BBX: variants seen among roughly 807,000 people sequenced by gnomAD.
The protein encoded by BBX is BBX high mobility group box domain containing, also known as HMG box transcription factor BBX.
BBX carries 30 observed loss-of-function variants against 100.2 expected under a neutral mutation model. That is an observed-to-expected ratio of 0.30 (90% CI 0.22 to 0.41). The LOEUF (loss-of-function observed/expected upper bound fraction) is 0.41, where lower values mean the gene tolerates loss of function less well. BBX is among the 10% of genes least tolerant of loss of function. The probability of loss-of-function intolerance (pLI) is 1.00; values close to 1 mark genes in which losing one functional copy is unlikely to be tolerated. For missense variants in BBX, 1,023 were observed against 1,129.8 expected (o/e 0.91, Z 1.35); for synonymous variants, 376 against 388.1 (o/e 0.97, Z 0.37).
At chr3:107,606,165 A>G (rs2054422702) in intron 2 of BBX, among the ~76,000 whole-genome samples, 2 of 152,228 alleles carry the variant, frequency 1.3e-5, no homozygotes, top group South Asian at 4.1e-4. Context: ...TTGTATATGT[A>G]TCTAACCCAA....
chr3:107,750,446 T>C (rs2064991862), intron 9 of BBX, among the ~76,000 whole-genome samples: 1 of 152,246 alleles, frequency 6.6e-6, no homozygotes, highest in Non-Finnish European at 1.5e-5. Context: ...CCCTACAAGA[T>C]ATAACTTTTC....
chr3:107,710,734 C>A, intron 4 of BBX, 112 bp downstream of exon 4: 1 of 976,190 alleles, frequency 1.0e-6, no homozygotes, highest in Non-Finnish European at 1.5e-6. Context: ...GCCTGTATAG[C>A]TTGAATCCTA....
intron 2 of BBX, among the ~76,000 whole-genome samples, chr3:107,531,729 C>G (rs115187436): frequency 6.6e-6 from 1 of 152,080 alleles, no homozygotes; most frequent in African/African-American, 2.4e-5. Context: ...CTGAGGCACG[C>G]CACAGTAAAG....
intron 3 of BBX, among the ~76,000 whole-genome samples, chr3:107,677,792 A>G (rs2059361020): frequency 6.6e-6 from 1 of 152,190 alleles, no homozygotes; most frequent in Admixed American, 6.6e-5. Context: ...TAACAATCTT[A>G]TTCTTAAGTG....
intron 3 of BBX, among the ~76,000 whole-genome samples, chr3:107,698,933 G>A (rs913863661): frequency 2.2e-4 from 34 of 151,734 alleles, no homozygotes; most frequent in African/African-American, 7.1e-4. Flanking sequence ...AGCAGGGCAT[G>A]GCAAGGACGG....
intron 17 of BBX, among the ~76,000 whole-genome samples, chr3:107,801,493 T>TTATC (rs1324580508): frequency 6.6e-6 from 1 of 152,220 alleles, no homozygotes; most frequent in Non-Finnish European, 1.5e-5. Context: ...TTTGAATATG[T>TTATC]TATCCTGTGG....
At chr3:107,563,593 AT>A (rs934129185) in intron 2 of BBX, among the ~76,000 whole-genome samples, 7 of 152,138 alleles carry the variant, frequency 4.6e-5, no homozygotes, top group African/African-American at 1.7e-4. Flanking sequence ...ACATGAATAC[AT>A]TTTTTTGTGT....
intron 10 of BBX, among the ~76,000 whole-genome samples, chr3:107,758,057 A>G (rs968572562): frequency 2.6e-5 from 4 of 152,168 alleles, no homozygotes; most frequent in Non-Finnish European, 5.9e-5. Flanking sequence ...GAGGGTTATC[A>G]TAGGCTGTCC....
intron 2 of BBX, among the ~76,000 whole-genome samples, chr3:107,592,163 C>G (rs1394106697): frequency 6.6e-6 from 1 of 151,890 alleles, no homozygotes; most frequent in Non-Finnish European, 1.5e-5. Context: ...AAAATGTAAT[C>G]TACTTACTGT....
At chr3:107,784,519 C>T (rs903836340) in intron 13 of BBX, among the ~76,000 whole-genome samples, 3 of 151,596 alleles carry the variant, frequency 2.0e-5, no homozygotes, top group Admixed American at 6.6e-5. Context: ...GAGAAACTCA[C>T]GAATATATAG....
intron 8 of BBX, 69 bp from the exon 9 acceptor site, chr3:107,747,896 A>G: frequency 1.5e-6 from 2 of 1,328,048 alleles, no homozygotes; most frequent in Middle Eastern, 2.2e-4. Context: ...TTGAAAATAT[A>G]TGGCAGAATC....
At position 107,747,519 on chromosome 3, in the gene BBX, A is replaced by G. The variant is rs376772171; in HGVS notation, c.751-446A>G. Among the ~76,000 whole-genome samples the G allele has an allele frequency of 2.2e-3, 328 of 152,302 alleles. 1 individual carries two copies. Among genetic ancestry groups the G allele is most frequent in the Middle Eastern group, 6.8e-3 (2 of 294 alleles). On this transcript the variant is annotated intron_variant, in intron 8 of 17. Coordinates refer to ENST00000325805, the MANE Select transcript of BBX (RefSeq NM_001142568.3). ...TTCAGTCTCCCAGATACCCTGACCC[A>G]TATCCATATGCTTCACCAACACTGC... is the stretch of plus-strand genomic sequence containing the variant.
intron 13 of BBX, among the ~76,000 whole-genome samples, chr3:107,788,056 A>G (rs1445688401): frequency 6.6e-6 from 1 of 152,182 alleles, no homozygotes; most frequent in African/African-American, 2.4e-5. Flanking sequence ...TACACCCAAT[A>G]TAAGAGGTCT....
At chr3:107,546,808 C>G (rs1198836606) in intron 2 of BBX, among the ~76,000 whole-genome samples, 2 of 152,068 alleles carry the variant, frequency 1.3e-5, no homozygotes, top group African/African-American at 2.4e-5. Context: ...GTTACTGTAT[C>G]TGAAAGTAAT....
chr3:107,597,847 T>C (rs1433602077), intron 2 of BBX, among the ~76,000 whole-genome samples: 1 of 151,986 alleles, frequency 6.6e-6, no homozygotes, highest in African/African-American at 2.4e-5. Flanking sequence ...GGTTTTGTTT[T>C]GTTTTGTTTT....
intron 13 of BBX, among the ~76,000 whole-genome samples, chr3:107,789,498 T>C (rs1037896918): frequency 6.6e-6 from 1 of 152,216 alleles, no homozygotes; most frequent in Non-Finnish European, 1.5e-5. Flanking sequence ...TTTGCTGTTA[T>C]TGGTTGTAGT....
At chr3:107,803,897 C>G (rs2070791778) in intron 17 of BBX, among the ~76,000 whole-genome samples, 1 of 151,686 alleles carries the variant, frequency 6.6e-6, no homozygotes, top group Admixed American at 6.6e-5. Context: ...GACTTTCACC[C>G]CAATTTCTCT....
At chr3:107,649,472 T>C (rs1254235894) in intron 3 of BBX, among the ~76,000 whole-genome samples, 1 of 152,186 alleles carries the variant, frequency 6.6e-6, no homozygotes, top group African/African-American at 2.4e-5. Context: ...CTCTACCTTG[T>C]AGGATTGTGA....
chr3:107,673,585 C>G (rs751634641), intron 3 of BBX, among the ~76,000 whole-genome samples: 2 of 152,008 alleles, frequency 1.3e-5, no homozygotes, highest in Non-Finnish European at 2.9e-5. Context: ...CTAAGACTCT[C>G]AAAGAATGAA....
Sources: allele counts gnomAD v4.1 joint callset (sites outside exome capture counted in the v4.1 genomes callset), GRCh38; gene constraint gnomAD v4.1.1; transcripts MANE v1.5; gene names NCBI Gene and HGNC (gene_info 2026-07-23, HGNC 2026-07-21).